CA10: variants seen among roughly 807,000 people sequenced by gnomAD.
CA10 encodes carbonic anhydrase-related protein 10.
A neutral mutation model predicts 44.2 loss-of-function variants in CA10; 14 were observed. The ratio of observed to expected loss-of-function variants is 0.32; its 90% CI spans 0.21 to 0.50. CA10 has a LOEUF of 0.50. CA10 is among the 20% of genes least tolerant of loss of function. The pLI, the probability that CA10 is intolerant of heterozygous loss-of-function variation, is 0.99. For missense variants in CA10, 350 were observed against 409.7 expected (o/e 0.85, Z 1.26); for synonymous variants, 159 against 141.6 (o/e 1.12, Z -0.87).
At chr17:51,783,966 T>A (rs1906158325) in intron 3 of CA10, among the ~76,000 whole-genome samples, 1 of 152,062 alleles carries the variant, frequency 6.6e-6, no homozygotes, top group South Asian at 2.1e-4. Context: ...ACTGGGCTCC[T>A]TGAAAGAGGA....
At chr17:51,932,056 G>A (rs1024012602) in intron 2 of CA10, among the ~76,000 whole-genome samples, 10 of 152,174 alleles carry the variant, frequency 6.6e-5, no homozygotes, top group African/African-American at 2.2e-4. Flanking sequence ...TCCACCCATA[G>A]TACATGCAGT....
chr17:51,963,110 T>A (rs1167856707), intron 2 of CA10, among the ~76,000 whole-genome samples: 1 of 151,964 alleles, frequency 6.6e-6, no homozygotes, highest in Non-Finnish European at 1.5e-5. Context: ...CTCAAGGAAT[T>A]GCAAAATATA....
chr17:51,653,754 C>T lies in CA10; in HGVS notation c.466-18G>A. On this transcript the variant is annotated intron_variant, in intron 4 of 8. Coordinates refer to ENST00000451037, the MANE Select transcript of CA10 (RefSeq NM_020178.5). ...AGCTGCACCTGGCAGGAGGGAAAAA[C>T]AAGAATCAGAACAATAATCCAACAT... 6.9e-7 allele frequency: 1 copy of T among 1,441,384 alleles called. No homozygotes were observed. The highest frequency in any genetic ancestry group is 9.8e-7 in the Non-Finnish European group (1 of 1,022,862). 89.3% of individuals were successfully genotyped at this position (1,441,384 alleles called of 1,614,324 possible). A position where few individuals can be genotyped will look rare whatever the true frequency, so the allele number is the denominator to read the frequency against.
chr17:51,811,295 A>T (rs1907355669), intron 3 of CA10, among the ~76,000 whole-genome samples: 1 of 151,992 alleles, frequency 6.6e-6, no homozygotes, highest in African/African-American at 2.4e-5. Flanking sequence ...TGAGTGGCTG[A>T]TTTTTTTATT....
intron 4 of CA10, among the ~76,000 whole-genome samples, chr17:51,729,731 A>G (rs8075593): frequency 0.65 from 99,302 of 152,118 alleles, 32,616 homozygotes; most frequent in Admixed American, 0.73. Flanking sequence ...GGCATGAGTT[A>G]TATGATATCA....
At chr17:51,869,275 A>T (rs1019155854) in intron 3 of CA10, among the ~76,000 whole-genome samples, 1 of 152,170 alleles carries the variant, frequency 6.6e-6, no homozygotes, top group Non-Finnish European at 1.5e-5. Context: ...AAACCATTTC[A>T]AATGGACCAG....
intron 1 of CA10, among the ~76,000 whole-genome samples, chr17:52,128,473 A>G (rs1261379921): frequency 6.6e-6 from 1 of 152,152 alleles, no homozygotes; most frequent in African/African-American, 2.4e-5. Context: ...AATGGCCTTC[A>G]TGGGTCGTCC....
intron 3 of CA10, among the ~76,000 whole-genome samples, chr17:51,823,908 T>C (rs1262769219): frequency 6.6e-6 from 1 of 152,222 alleles, no homozygotes; most frequent in Non-Finnish European, 1.5e-5. Context: ...TTATAACCTT[T>C]CTCAAAGCTT....
At chr17:52,141,636 G>T (rs1002425770) in intron 1 of CA10, among the ~76,000 whole-genome samples, 8 of 152,198 alleles carry the variant, frequency 5.3e-5, no homozygotes, top group Admixed American at 2.6e-4. Context: ...GAGCATGACT[G>T]TGTCCCAGTA....
chr17:51,786,769 G>A (rs575829278), intron 3 of CA10, among the ~76,000 whole-genome samples: 43 of 152,106 alleles, frequency 2.8e-4, no homozygotes, highest in African/African-American at 8.7e-4. Context: ...TGGAGGAAGG[G>A]CTTTCAGATT....
intron 3 of CA10, among the ~76,000 whole-genome samples, chr17:51,828,189 G>C (rs1908100860): frequency 6.6e-6 from 1 of 152,162 alleles, no homozygotes; most frequent in East Asian, 1.9e-4. Flanking sequence ...TAGGGAGTTA[G>C]GAGGTCTAAG....
At chr17:52,106,374 T>G (rs1382491912) in intron 1 of CA10, among the ~76,000 whole-genome samples, 1 of 152,232 alleles carries the variant, frequency 6.6e-6, no homozygotes, top group Non-Finnish European at 1.5e-5. Context: ...ATTTGTTTAT[T>G]GCTGAGTCCT....
At chr17:51,690,814 C>T (rs1915170787) in intron 4 of CA10, among the ~76,000 whole-genome samples, 1 of 152,172 alleles carries the variant, frequency 6.6e-6, no homozygotes, top group East Asian at 1.9e-4. Context: ...ACTAATACAA[C>T]ATGTAAGTGA....
intron 3 of CA10, among the ~76,000 whole-genome samples, chr17:51,845,103 C>T (rs1000418498): frequency 3.3e-5 from 5 of 152,176 alleles, no homozygotes; most frequent in African/African-American, 1.2e-4. Flanking sequence ...GGAAGGATTC[C>T]TCCCCTAGAA....
chr17:52,016,709 TC>T (rs1985979145), intron 2 of CA10, among the ~76,000 whole-genome samples: 1 of 152,050 alleles, frequency 6.6e-6, no homozygotes, highest in African/African-American at 2.4e-5. Flanking sequence ...GGTCAGAGGT[TC>T]AAGACTAGCC....
rs186695199 is a variant in CA10, at chr17:51,863,657, C to A, written c.279+67333G>T. On this transcript the variant is annotated intron_variant, in intron 3 of 8. Coordinates refer to ENST00000451037, the MANE Select transcript of CA10 (RefSeq NM_020178.5). ...TGAGCTGGATACAAATTCACTGGTC[C>A]CCACGGACACCCTCAGGTTTGGTAA... 2.0e-5 allele frequency among the ~76,000 whole-genome samples: 3 copies of A among 152,242 alleles called. No individual in the cohort carries two copies. The East Asian group carries it at 5.8e-4, about 29-fold the overall frequency.
intron 5 of CA10, 26 bp from the exon 6 acceptor site, chr17:51,649,280 G>A (rs749326807): frequency 1.3e-6 from 2 of 1,505,668 alleles, no homozygotes; most frequent in East Asian, 4.5e-5. Context: ...AAATATTAAT[G>A]ACTGGGCATC....
chr17:52,118,794 G>A (rs1444625473), intron 1 of CA10, among the ~76,000 whole-genome samples: 1 of 152,038 alleles, frequency 6.6e-6, no homozygotes, highest in Non-Finnish European at 1.5e-5. Flanking sequence ...TGTCAATCGT[G>A]TTTTTGACTG....
intron 2 of CA10, among the ~76,000 whole-genome samples, chr17:52,040,860 T>G (rs1033057463): frequency 6.6e-6 from 1 of 151,858 alleles, no homozygotes; most frequent in Non-Finnish European, 1.5e-5. Context: ...TGAGGGTGAA[T>G]GTTAGCATGC....
Sources: allele counts gnomAD v4.1 joint callset (sites outside exome capture counted in the v4.1 genomes callset), GRCh38; gene constraint gnomAD v4.1.1; transcripts MANE v1.5; gene names NCBI Gene and HGNC (gene_info 2026-07-23, HGNC 2026-07-21).